Variants in GABRA2 observed in about 807,000 individuals in gnomAD.
GABRA2 encodes gamma-aminobutyric acid receptor subunit alpha-2.
Under a neutral mutation model 48.7 loss-of-function variants are expected in GABRA2, and 16 were observed. That is an observed-to-expected ratio of 0.33 (90% CI 0.22 to 0.50). The LOEUF is 0.50. Among genes scored for constraint, GABRA2 ranks in the 20% least tolerant of loss-of-function variants. The probability of loss-of-function intolerance (pLI) is 0.98; values close to 1 mark genes in which losing one functional copy is unlikely to be tolerated. For synonymous variants in GABRA2, 185 were observed against 184.5 expected (o/e 1.00, Z -0.02); for missense variants, 275 against 535.6 (o/e 0.51, Z 4.80).
chr4:46,373,690 TA>T (rs1296406051), intron 3 of GABRA2, among the ~76,000 whole-genome samples: 1 of 152,178 alleles, frequency 6.6e-6, no homozygotes, highest in South Asian at 2.1e-4. Flanking sequence ...TCTGCTTCCT[TA>T]AAAGTGACTC....
chr4:46,319,201 A>G (rs971562194), intron 4 of GABRA2, among the ~76,000 whole-genome samples: 1 of 151,932 alleles, frequency 6.6e-6, no homozygotes, highest in Admixed American at 6.6e-5. Context: ...CATATTCTTT[A>G]CTGCCTGACT....
rs189881003 is a variant in GABRA2, at chr4:46,339,799, T to C, written c.188-7117A>G. ...TGCCACAAATTTCAGTTTTTGGTGT[T>C]CTGTATTTATACTTCTTTGATGATT... On this transcript the variant is annotated intron_variant, in intron 3 of 9. Transcript: ENST00000381620. Among the ~76,000 whole-genome samples, 70 of 151,960 alleles carry C rather than the reference T, an allele frequency of 4.6e-4. 1 individual carries two copies. The highest frequency in any genetic ancestry group is 7.9e-4 in the Admixed American group (12 of 15,242).
intron 8 of GABRA2, among the ~76,000 whole-genome samples, chr4:46,299,882 G>A (rs887026610): frequency 1.3e-5 from 2 of 151,630 alleles, no homozygotes; most frequent in South Asian, 4.2e-4. Context: ...GGTCTTAGAC[G>A]AGATACCTAA....
intron 9 of GABRA2, among the ~76,000 whole-genome samples, chr4:46,252,355 A>C (rs911098653): frequency 6.6e-6 from 1 of 151,478 alleles, no homozygotes; most frequent in African/African-American, 2.4e-5. Flanking sequence ...TAAGTGAAAA[A>C]CTGATAAGGA....
At chr4:46,273,749 T>C (rs919903654) in intron 8 of GABRA2, among the ~76,000 whole-genome samples, 4 of 151,924 alleles carry the variant, frequency 2.6e-5, no homozygotes, top group Non-Finnish European at 5.9e-5. Flanking sequence ...ACCTAGGTTT[T>C]CTGTTTCTTG....
intron 6 of GABRA2, among the ~76,000 whole-genome samples, chr4:46,309,312 T>C (rs1218604960): frequency 1.3e-5 from 2 of 152,086 alleles, no homozygotes; most frequent in African/African-American, 4.8e-5. Flanking sequence ...TATTCAGCAA[T>C]ACATAGTTTT....
chr4:46,329,168 T>C lies in GABRA2; in HGVS notation c.255+3447A>G, dbSNP rs535722649. Among the ~76,000 whole-genome samples, 3 of 152,206 alleles carry C rather than the reference T, an allele frequency of 2.0e-5. No individual in the cohort carries two copies. The South Asian group carries it at 6.2e-4, about 32-fold the overall frequency. ...TCCCTGTATTACACACTATTAGTAT[T>C]TCAGCTATCTGTGTACTGCCTCTCA... is the stretch of plus-strand genomic sequence containing the variant. On this transcript the variant is annotated intron_variant, in intron 4 of 9. Coordinates refer to ENST00000381620, the MANE Select transcript of GABRA2 (RefSeq NM_000807.4).
At position 46,332,604 on chromosome 4, in the gene GABRA2, GA is replaced by G. The variant is rs1290458739; in HGVS notation, c.255+10del. On this transcript the variant is annotated intron_variant, in intron 4 of 9. Coordinates refer to ENST00000381620, the MANE Select transcript of GABRA2 (RefSeq NM_000807.4). Reference sequence around the variant, plus strand: ...ATGTGAAGTAAAAATACTATTTAATGAAAAACTCACCATATCTGTATCTGAG... The same window carrying G: ...ATGTGAAGTAAAAATACTATTTAATGAAAACTCACCATATCTGTATCTGAG... 7.1e-6 allele frequency: 11 copies of G among 1,543,546 alleles called. No homozygotes were observed. The highest frequency in any genetic ancestry group is 9.0e-6 in the Non-Finnish European group (10 of 1,117,138).
intron 6 of GABRA2, among the ~76,000 whole-genome samples, chr4:46,306,856 G>A (rs908423580): frequency 6.6e-6 from 1 of 152,004 alleles, no homozygotes. Flanking sequence ...GTCTGTGATC[G>A]CAAATCAATT....
intron 3 of GABRA2, among the ~76,000 whole-genome samples, chr4:46,344,204 G>T (rs1192643178): frequency 6.6e-6 from 1 of 151,992 alleles, no homozygotes; most frequent in Non-Finnish European, 1.5e-5. Context: ...CATACAGAGA[G>T]ATAGTGACTA....
At chr4:46,340,391 A>C (rs1733010819) in intron 3 of GABRA2, among the ~76,000 whole-genome samples, 1 of 151,866 alleles carries the variant, frequency 6.6e-6, no homozygotes, top group African/African-American at 2.4e-5. Context: ...CTCCCTTCTC[A>C]CAAGCTCTGG....
chr4:46,300,404 T>C (rs1281704182), intron 8 of GABRA2, among the ~76,000 whole-genome samples: 1 of 151,972 alleles, frequency 6.6e-6, no homozygotes, highest in Non-Finnish European at 1.5e-5. Context: ...TCATTCCAAT[T>C]AGTTCCTTTT....
intron 9 of GABRA2, among the ~76,000 whole-genome samples, chr4:46,259,023 C>T (rs1481997307): frequency 6.6e-6 from 1 of 151,816 alleles, no homozygotes; most frequent in Non-Finnish European, 1.5e-5. Flanking sequence ...AGAAAGTTTT[C>T]TTCCTGGTAA....
intron 3 of GABRA2, among the ~76,000 whole-genome samples, chr4:46,381,990 C>T (rs1578238476): frequency 6.6e-6 from 1 of 152,072 alleles, no homozygotes; most frequent in East Asian, 1.9e-4. Context: ...AATGGAAAGT[C>T]ATTCAAGAGA....
intron 3 of GABRA2, among the ~76,000 whole-genome samples, chr4:46,344,257 G>A (rs1295094572): frequency 6.6e-6 from 1 of 151,904 alleles, no homozygotes; most frequent in East Asian, 1.9e-4. Context: ...AGAGATTAGT[G>A]CTACAAAGGC....
rs72160209 is a variant in GABRA2, at chr4:46,264,986, C to CATATATATATAT, written c.857-2870_857-2859dup. On this transcript the variant is annotated intron_variant, in intron 8 of 9. Transcript: ENST00000381620. ...CAATTGTTCCCAGAATTACTTTATA[C>CATATATATATAT]ATATATATATATATATGTATAAAGA... Among the ~76,000 whole-genome samples the CATATATATATAT allele has an allele frequency of 9.3e-4, 100 of 107,526 alleles. 8 individuals are homozygous for CATATATATATAT. Among genetic ancestry groups the CATATATATATAT allele is most frequent in the South Asian group, 2.2e-3 (5 of 2,322 alleles). The allele number at this position is 107,526 out of a possible 152,430, so 70.5% of individuals were successfully genotyped here. A position where few individuals can be genotyped will look rare whatever the true frequency, so the allele number is the denominator to read the frequency against.
intron 8 of GABRA2, among the ~76,000 whole-genome samples, chr4:46,262,952 AAGAAAGAGAGAGAGAG>A (rs1292273535): frequency 2.2e-5 from 3 of 139,410 alleles, no homozygotes; most frequent in African/African-American, 8.2e-5. Context: ...GAAAGAAAGA[AAGAAAGAGAGAGAGAG>A]AGAGAGAGAG....
At chr4:46,344,665 G>T (rs1287043187) in intron 3 of GABRA2, among the ~76,000 whole-genome samples, 1 of 151,714 alleles carries the variant, frequency 6.6e-6, no homozygotes, top group Non-Finnish European at 1.5e-5. Context: ...CTAGCACACA[G>T]CCAGGACATT....
At chr4:46,277,103 T>C (rs1356214529) in intron 8 of GABRA2, among the ~76,000 whole-genome samples, 4 of 152,162 alleles carry the variant, frequency 2.6e-5, no homozygotes, top group Non-Finnish European at 5.9e-5. Flanking sequence ...TCACAATTCA[T>C]TATTCATAAT....
Sources: allele counts gnomAD v4.1 joint callset (sites outside exome capture counted in the v4.1 genomes callset), GRCh38; gene constraint gnomAD v4.1.1; transcripts MANE v1.5; gene names NCBI Gene and HGNC (gene_info 2026-07-23, HGNC 2026-07-21).